Variants in CKMT2 observed in about 807,000 individuals in gnomAD.
CKMT2 encodes creatine kinase S-type, mitochondrial.
CKMT2 carries 43 observed loss-of-function variants against 48.9 expected under a neutral mutation model. The ratio of observed to expected loss-of-function variants is 0.88; its 90% CI spans 0.69 to 1.13. The LOEUF (loss-of-function observed/expected upper bound fraction) is 1.13, where lower values mean the gene tolerates loss of function less well. Among genes scored for constraint, CKMT2 ranks in the 50% most tolerant of loss-of-function variants. CKMT2 has a pLI of 0.00. For missense variants in CKMT2, 472 were observed against 555.4 expected, an observed-to-expected ratio of 0.85 and a Z score of 1.51; for synonymous variants, 206 against 213.0, an observed-to-expected ratio of 0.97 and a Z score of 0.29.
chr5:81,235,129 G>C (rs1314822853), intron 1 of CKMT2, among the ~76,000 whole-genome samples: 1 of 152,312 alleles, frequency 6.6e-6, no homozygotes, highest in South Asian at 2.1e-4. Flanking sequence ...ACAAAGTCTG[G>C]TAACGGTCCC....
At chr5:81,250,904 A>C in intron 1 of CKMT2, 1 of 340,532 alleles carries the variant, frequency 2.9e-6, no homozygotes, top group Non-Finnish European at 5.4e-6. Flanking sequence ...GATTTTCCCA[A>C]GCAATATGAA....
Position 81,257,793 on chromosome 5 carries a change from C to T in CKMT2, c.816C>T (p.Ile272=), listed in dbSNP as rs1379812009. Residue 272 remains isoleucine (I), a synonymous_variant, in exon 7 of 10, where the codon ATC becomes ATT. Coordinates refer to ENST00000254035, the MANE Select transcript of CKMT2 (RefSeq NM_001099735.2). Reference sequence around the variant, plus strand: ...ATGAGGAGGATCACACCAGGGTAATCTCAATGGAAAAAGGAGGCAATATGA... The same window carrying T: ...ATGAGGAGGATCACACCAGGGTAATTTCAATGGAAAAAGGAGGCAATATGA... The part of the protein sequence containing the change: ...WINEEDHTRV[I]SMEKGGNMKR... 1.2e-6 allele frequency: 2 copies of T among 1,613,036 alleles called. No homozygotes were observed. Among genetic ancestry groups the T allele is most frequent in the Non-Finnish European group, 1.7e-6 (2 of 1,179,252 alleles).
intron 1 of CKMT2, among the ~76,000 whole-genome samples, chr5:81,243,027 C>G (rs538692901): frequency 9.9e-5 from 15 of 152,284 alleles, no homozygotes; most frequent in African/African-American, 3.6e-4. Context: ...TCCCTAATTG[C>G]TGGCTGTAGG....
chr5:81,256,732 A>G (rs1227652486), intron 5 of CKMT2, among the ~76,000 whole-genome samples, 183 bp from the exon 6 acceptor site: 1 of 152,248 alleles, frequency 6.6e-6, no homozygotes, highest in Non-Finnish European at 1.5e-5. Flanking sequence ...TATAACAACT[A>G]GGTCAGAATC....
At chr5:81,256,723 A>G (rs532366945) in intron 5 of CKMT2, among the ~76,000 whole-genome samples, 192 bp from the exon 6 acceptor site, 1 of 152,356 alleles carries the variant, frequency 6.6e-6, no homozygotes, top group African/African-American at 2.4e-5. Flanking sequence ...AGATCAGTCT[A>G]TAACAACTAG....
chr5:81,235,030 G>A (rs555534683), intron 1 of CKMT2, among the ~76,000 whole-genome samples: 269 of 152,256 alleles, frequency 1.8e-3, no homozygotes, highest in Middle Eastern at 3.4e-3. Flanking sequence ...TCCCTTGGGC[G>A]GGGAAGAAGG....
At chr5:81,241,306 C>G (rs1377479909) in intron 1 of CKMT2, among the ~76,000 whole-genome samples, 1 of 152,190 alleles carries the variant, frequency 6.6e-6, no homozygotes, top group Non-Finnish European at 1.5e-5. Context: ...AGGGGAAGAG[C>G]TTCCTCCTTT....
chr5:81,253,640 G>A (rs964332585), intron 3 of CKMT2, among the ~76,000 whole-genome samples: 4 of 152,140 alleles, frequency 2.6e-5, no homozygotes, highest in Non-Finnish European at 2.9e-5. Flanking sequence ...GAATAAACAC[G>A]ACTGGTGGCT....
At position 81,259,227 on chromosome 5, in the gene CKMT2, C is replaced by G. The variant is rs751280504; in HGVS notation, c.987C>G (p.Val329=). 6.2e-7 allele frequency: 1 copy of G among 1,614,010 alleles called. No homozygotes were observed. Among genetic ancestry groups the G allele is most frequent in the Admixed American group, 1.7e-5 (1 of 60,012 alleles). The stretch of plus-strand genomic sequence containing the variant: ...TTGGAACAGGACTACGAGCTGGTGT[C>G]CACGTTAGGATCCCAAAGCTCAGCA... The part of the protein sequence containing the change: ...SNLGTGLRAG[V]HVRIPKLSKD... Residue 329 remains valine, a synonymous_variant, in exon 8 of 10, where the codon GTC becomes GTG. Transcript: ENST00000254035.
At chr5:81,262,430 A>C (rs973086116) in intron 8 of CKMT2, among the ~76,000 whole-genome samples, 3 of 152,170 alleles carry the variant, frequency 2.0e-5, no homozygotes, top group Non-Finnish European at 4.4e-5. Flanking sequence ...TTTGCAATCT[A>C]TCCATCTGAC....
chr5:81,254,574 C>A, intron 4 of CKMT2, 83 bp downstream of exon 4: 1 of 1,200,456 alleles, frequency 8.3e-7, no homozygotes, highest in East Asian at 2.3e-5. Context: ...AGGGGTTCCC[C>A]GCTGTAAGTC....
In CKMT2 at chr5:81,252,644, C is replaced by T. The variant is rs1262332563; in HGVS notation, c.153-51C>T. On this transcript the variant is annotated intron_variant, in intron 2 of 9. Transcript: ENST00000254035. Reference sequence around the variant, plus strand: ...GGCAAACAACAAGTCCTTCCATTGGCCCCTTTCCTCGGGGGCTGCTGGCTG... The same window carrying T: ...GGCAAACAACAAGTCCTTCCATTGGTCCCTTTCCTCGGGGGCTGCTGGCTG... 6.3e-6 allele frequency: 10 copies of T among 1,587,780 alleles called. No homozygotes were observed. In the African/African-American group the frequency reaches 6.7e-5, roughly 11 times the overall value.
chr5:81,248,868 T>C (rs987426877), intron 1 of CKMT2, among the ~76,000 whole-genome samples: 2 of 152,170 alleles, frequency 1.3e-5, no homozygotes, highest in African/African-American at 4.8e-5. Flanking sequence ...GACATTCAGG[T>C]TTAGTAGAGA....
At chr5:81,236,266 CACCACAGGTTTTAA>C (rs1756241059) in intron 1 of CKMT2, 1 of 152,288 alleles carries the variant, frequency 6.6e-6, no homozygotes, top group African/African-American at 2.4e-5. Flanking sequence ...TGATCTGTGG[CACCACAGGTTTTAA>C]GCCACAGGGG....
intron 1 of CKMT2, among the ~76,000 whole-genome samples, chr5:81,236,288 G>A (rs139269652): frequency 2.3e-4 from 35 of 152,230 alleles, no homozygotes; most frequent in Non-Finnish European, 2.1e-4. Context: ...TAAGCCACAG[G>A]GGTGGTTTCC....
intron 1 of CKMT2, chr5:81,244,844 ACTAT>A (rs1756554181): frequency 7.4e-6 from 1 of 135,754 alleles, no homozygotes; most frequent in African/African-American, 2.8e-5. Context: ...CATCCCCCTC[ACTAT>A]TTTTTTTTTT....
In CKMT2 at chr5:81,244,942, C is replaced by T. The variant is rs1756559990; in HGVS notation, c.-20-6171C>T. The T allele has an allele frequency of 1.3e-5, 2 of 151,340 alleles. 1 individual carries two copies. The highest frequency in any genetic ancestry group is 4.2e-4 in the South Asian group (2 of 4,800). The allele number at this position is 151,340 out of a possible 1,614,324, so 9.4% of individuals were successfully genotyped here. A position where few individuals can be genotyped will look rare whatever the true frequency, so the allele number is the denominator to read the frequency against. On this transcript the variant is annotated intron_variant, in intron 1 of 9. Coordinates refer to ENST00000254035, the MANE Select transcript of CKMT2 (RefSeq NM_001099735.2). ...TCTCTGCTCACTGCAGCCTTCGCTT[C>T]CTGGGTTCAAGTAATTCTCCTGCCT...
At chr5:81,261,319 C>G (rs1450305330) in intron 8 of CKMT2, among the ~76,000 whole-genome samples, 3 of 152,232 alleles carry the variant, frequency 2.0e-5, no homozygotes, top group African/African-American at 4.8e-5. Flanking sequence ...TCTCCCACCA[C>G]TCCTATTCAA....
In CKMT2 at chr5:81,255,052, C is replaced by G; in HGVS notation, c.507C>G (p.Arg169=). 6.2e-7 allele frequency: 1 copy of G among 1,613,970 alleles called. No homozygotes were observed. Among genetic ancestry groups the G allele is most frequent in the South Asian group, 1.1e-5 (1 of 91,086 alleles). ...TGTCTTCTCGGGTGCGCACTGGCCG[C>G]AGCATCCGTGGGCTGAGCCTGCCTC... ...YVLSSRVRTG[R]SIRGLSLPPA... Residue 169 remains arginine, a synonymous_variant, in exon 5 of 10, where the codon CGC becomes CGG. Coordinates refer to ENST00000254035, the MANE Select transcript of CKMT2 (RefSeq NM_001099735.2).
Sources: allele counts gnomAD v4.1 joint callset (sites outside exome capture counted in the v4.1 genomes callset), GRCh38; gene constraint gnomAD v4.1.1; transcripts MANE v1.5; gene names NCBI Gene and HGNC (gene_info 2026-07-23, HGNC 2026-07-21).